PDE8B: variants seen among roughly 807,000 people sequenced by gnomAD.
PDE8B encodes the protein phosphodiesterase 8B, also known as high affinity cAMP-specific and IBMX-insensitive 3',5'-cyclic phosphodiesterase 8B.
In PDE8B, 26 loss-of-function variants were observed where a neutral mutation model predicts 101.3. The ratio of observed to expected loss-of-function variants is 0.26; its 90% CI spans 0.19 to 0.36. The LOEUF (loss-of-function observed/expected upper bound fraction) is 0.36, where lower values mean the gene tolerates loss of function less well. PDE8B is among the 10% of genes least tolerant of loss of function. The pLI, the probability that PDE8B is intolerant of heterozygous loss-of-function variation, is 1.00. For synonymous variants in PDE8B, 424 were observed against 429.3 expected (o/e 0.99, Z 0.15); for missense variants, 810 against 1,163.1 (o/e 0.70, Z 4.42).
In PDE8B at chr5:77,342,401, A is replaced by G. The variant is rs983860010; in HGVS notation, c.798-2452A>G. On this transcript the variant is annotated intron_variant, in intron 6 of 21. Transcript: ENST00000264917. ...TGCCTCAGGTCGCATAACTGGAAAA[A>G]TACAGAGCCAGATTTCACCCAGTTC... Among the ~76,000 whole-genome samples the G allele has an allele frequency of 7.2e-5, 11 of 152,196 alleles. No homozygotes were observed. In the South Asian group the frequency reaches 1.7e-3, roughly 23 times the overall value.
chr5:77,320,264 G>A (rs1001644888), intron 2 of PDE8B, among the ~76,000 whole-genome samples: 2 of 152,100 alleles, frequency 1.3e-5, no homozygotes, highest in Admixed American at 6.5e-5. Flanking sequence ...TTCAACCCTC[G>A]TGCATGGTCA....
At chr5:77,399,155 A>G (rs1411292214) in intron 10 of PDE8B, among the ~76,000 whole-genome samples, 2 of 152,252 alleles carry the variant, frequency 1.3e-5, no homozygotes, top group East Asian at 3.8e-4. Context: ...TGCTATGTGA[A>G]TCTGCCTAAG....
At chr5:77,215,261 A>G (rs746588046) in intron 1 of PDE8B, among the ~76,000 whole-genome samples, 22 of 152,238 alleles carry the variant, frequency 1.4e-4, no homozygotes, top group Non-Finnish European at 2.2e-4. Flanking sequence ...TGGATGTTAC[A>G]TGATACAGGC....
intron 10 of PDE8B, among the ~76,000 whole-genome samples, chr5:77,392,940 A>G (rs1452351078): frequency 6.6e-6 from 1 of 152,216 alleles, no homozygotes; most frequent in Non-Finnish European, 1.5e-5. Flanking sequence ...TAGAAATATA[A>G]TGACACTTGA....
intron 10 of PDE8B, among the ~76,000 whole-genome samples, chr5:77,364,554 G>A (rs969678886): frequency 1.6e-4 from 25 of 152,128 alleles, no homozygotes; most frequent in African/African-American, 4.8e-4. Flanking sequence ...AGGTTTCCTG[G>A]GTGAGATTTC....
chr5:77,138,445 C>T, the PDE8B span, among the ~76,000 whole-genome samples: 8 of 152,138 alleles, frequency 5.3e-5, no homozygotes, highest in South Asian at 2.1e-4. Context: ...GAGGATGATC[C>T]GCCTGGAAGC....
At chr5:77,090,091 G>C in the PDE8B span, among the ~76,000 whole-genome samples, 2 of 152,180 alleles carry the variant, frequency 1.3e-5, no homozygotes, top group African/African-American at 4.8e-5. Flanking sequence ...TAAAGAAGTT[G>C]ATCTCATGGA....
intron 1 of PDE8B, among the ~76,000 whole-genome samples, chr5:77,270,916 C>T (rs1028436711): frequency 3.2e-4 from 49 of 152,170 alleles, no homozygotes; most frequent in African/African-American, 1.2e-3. Flanking sequence ...CTCCTGAAAA[C>T]AATACCCTTT....
the PDE8B span, among the ~76,000 whole-genome samples, chr5:77,166,337 G>C: frequency 1.3e-5 from 2 of 151,780 alleles, no homozygotes; most frequent in South Asian, 4.2e-4. Flanking sequence ...GCTTGTCTTC[G>C]GTACCATAAT....
At chr5:77,183,103 C>CTATTATTAT in the PDE8B span, among the ~76,000 whole-genome samples, 132 of 130,234 alleles carry the variant, frequency 1.0e-3, no homozygotes, top group African/African-American at 4.3e-3. Context: ...TGAAGATGTG[C>CTATTATTAT]TATTATTATT....
chr5:77,229,089 T>A (rs1208446927), intron 1 of PDE8B, among the ~76,000 whole-genome samples: 1 of 152,176 alleles, frequency 6.6e-6, no homozygotes, highest in Non-Finnish European at 1.5e-5. Context: ...AGAGTTTATG[T>A]AAGTTTGTAA....
chr5:77,347,579 C>T (rs1780365705), intron 7 of PDE8B, among the ~76,000 whole-genome samples: 1 of 152,122 alleles, frequency 6.6e-6, no homozygotes, highest in Non-Finnish European at 1.5e-5. Flanking sequence ...TCCTGAGTAT[C>T]CAAAGATCAA....
intron 2 of PDE8B, 58 bp downstream of exon 2, chr5:77,312,111 T>TC: frequency 7.5e-7 from 1 of 1,329,204 alleles, no homozygotes; most frequent in Non-Finnish European, 1.1e-6. Flanking sequence ...TTTTCTTTTT[T>TC]TTTTTTTTTT....
chr5:77,372,557 T>A (rs189086420), intron 10 of PDE8B, among the ~76,000 whole-genome samples: 2 of 152,352 alleles, frequency 1.3e-5, no homozygotes, highest in Admixed American at 1.3e-4. Context: ...GGCCTGGAAT[T>A]TTTTATGCGG....
intron 1 of PDE8B, among the ~76,000 whole-genome samples, chr5:77,250,802 C>T (rs542025532): frequency 6.6e-6 from 1 of 152,218 alleles, no homozygotes; most frequent in African/African-American, 2.4e-5. Context: ...TTTCCTGGGC[C>T]GCCAAGGTCC....
chr5:77,291,634 A>G (rs1767365606), intron 1 of PDE8B: 2 of 1,596,898 alleles, frequency 1.3e-6, no homozygotes, highest in East Asian at 2.2e-5. Flanking sequence ...GTAAATGTCA[A>G]CATTCCAACA....
At position 77,257,924 on chromosome 5, in the gene PDE8B, T is replaced by C. The variant is rs76411662; in HGVS notation, c.339+46660T>C. ...GCAACACTCTTTTCTTAATAGCAATTTGGGGAAAAATATTCAGGGCAAAAG... is the reference window on the plus strand; with the variant it reads ...GCAACACTCTTTTCTTAATAGCAATCTGGGGAAAAATATTCAGGGCAAAAG... On this transcript the variant is annotated intron_variant, in intron 1 of 21. Coordinates refer to ENST00000264917, the MANE Select transcript of PDE8B (RefSeq NM_003719.5). Among the ~76,000 whole-genome samples, 3 of 151,980 alleles carry C rather than the reference T, an allele frequency of 2.0e-5. No individual in the cohort carries two copies. In the East Asian group the frequency reaches 5.8e-4, roughly 29 times the overall value.
At position 77,400,231 on chromosome 5, in the gene PDE8B, C is replaced by T; in HGVS notation, c.1168-17C>T. 1 of 1,577,500 alleles carries T rather than the reference C, an allele frequency of 6.3e-7. No individual in the cohort carries two copies. The highest frequency in any genetic ancestry group is 8.7e-7 in the Non-Finnish European group (1 of 1,146,794). ...AAAATCTTTCTCTTGTTTTATCAAACTTTTGAACGACTTTAGATTCACAAG... is the reference window on the plus strand; with the variant it reads ...AAAATCTTTCTCTTGTTTTATCAAATTTTTGAACGACTTTAGATTCACAAG... On this transcript the variant is annotated splice_polypyrimidine_tract_variant and intron_variant, in intron 10 of 21. Transcript: ENST00000264917.
the PDE8B span, chr5:77,114,762 A>G: frequency 6.6e-6 from 1 of 152,256 alleles, no homozygotes; most frequent in African/African-American, 2.4e-5. Context: ...TAATGTTGCC[A>G]GTTATATTTT....
Sources: gnomAD v4.1 joint callset for allele counts (sites outside exome capture counted in the v4.1 genomes callset) on GRCh38, gnomAD v4.1.1 for gene constraint, MANE v1.5 for transcripts, NCBI Gene and HGNC (gene_info 2026-07-23, HGNC 2026-07-21) for gene names.